The following SMARCA4 variants were observed in gnomAD, a reference collection of about 807,000 sequenced individuals.
SMARCA4 encodes the protein SWI/SNF related BAF chromatin remodeling complex subunit ATPase 4, also known as SWI/SNF-related matrix-associated actin-dependent regulator of chromatin subfamily A member 4.
In SMARCA4, 31 loss-of-function variants were observed where a neutral mutation model predicts 193.9. The ratio of observed to expected loss-of-function variants is 0.16; its 90% confidence interval spans 0.12 to 0.22. The LOEUF is 0.22. SMARCA4 is among the 10% of genes least tolerant of loss of function. The pLI is 1.00. For missense variants in SMARCA4, 1,148 were observed against 2,296.0 expected, an observed-to-expected ratio of 0.50 and a Z score of 10.22; for synonymous variants, 942 against 933.1, an observed-to-expected ratio of 1.01 and a Z score of -0.17.
chr19:10,968,987 C>G (rs2084460154), intron 1 of SMARCA4, among the ~76,000 whole-genome samples: 1 of 152,198 alleles, frequency 6.6e-6, no homozygotes, highest in African/African-American at 2.4e-5. Context: ...CTTGACTCTG[C>G]CCTTCCTCGA....
intron 30 of SMARCA4, among the ~76,000 whole-genome samples, chr19:11,044,747 A>G (rs559529863): frequency 2.8e-4 from 43 of 152,320 alleles, no homozygotes; most frequent in African/African-American, 9.6e-4. Flanking sequence ...GCAGAAGATA[A>G]TATTTTCTGA....
chr19:10,976,338 A>G (rs998648661), intron 1 of SMARCA4, among the ~76,000 whole-genome samples: 1 of 152,156 alleles, frequency 6.6e-6, no homozygotes, highest in Non-Finnish European at 1.5e-5. Flanking sequence ...CAGCTTCTAC[A>G]GGGCTGGCCT....
At position 10,987,349 on chromosome 19, in the gene SMARCA4, G is replaced by A. The variant is rs527591874; in HGVS notation, c.860-317G>A. 2.0e-5 allele frequency among the ~76,000 whole-genome samples: 3 copies of A among 152,340 alleles called. No individual in the cohort carries two copies. In the South Asian group the frequency reaches 6.2e-4, roughly 32 times the overall value. ...GAGGTTTAGCGATGGGCATTGAGGG[G>A]CAAATTGCTTCCACTGGATTTAGTT... is the stretch of plus-strand genomic sequence containing the variant. On this transcript the variant is annotated intron_variant, in intron 5 of 34. Transcript: ENST00000344626. This position sits in a 1 kb window ranked among gnomAD's most constrained non-coding sequence, Gnocchi z 5.3.
At chr19:11,039,682 T>C (rs1182176762) in intron 29 of SMARCA4, 2 of 449,332 alleles carry the variant, frequency 4.5e-6, no homozygotes, top group Non-Finnish European at 7.8e-6. Context: ...ATTTATAATA[T>C]ATTTTTTTAA....
At position 10,991,110 on chromosome 19, in the gene SMARCA4, AG is replaced by A; in HGVS notation, c.1246-39del. Reference sequence around the variant, plus strand: ...GTGTTTGTCATTGTGGATGCCACAGAGCTGTGCAGTGCGCGGGCTTGTCCTC... The same window carrying A: ...GTGTTTGTCATTGTGGATGCCACAGACTGTGCAGTGCGCGGGCTTGTCCTC... On this transcript the variant is annotated intron_variant, in intron 7 of 34. Transcript: ENST00000344626. The A allele has an allele frequency of 2.5e-6, 4 of 1,611,020 alleles. No individual in the cohort carries two copies. The Middle Eastern group carries it at 6.7e-4, about 269-fold the overall frequency.
At chr19:10,988,041 A>G in intron 6 of SMARCA4, 117 bp downstream of exon 6, 2 of 1,050,408 alleles carry the variant, frequency 1.9e-6, no homozygotes, top group Non-Finnish European at 2.8e-6. Flanking sequence ...CACCACTGCC[A>G]CTTGGCCTAC....
intron 30 of SMARCA4, among the ~76,000 whole-genome samples, chr19:11,050,877 C>A (rs2076220621): frequency 1.3e-5 from 2 of 152,216 alleles, no homozygotes; most frequent in South Asian, 4.1e-4. Context: ...GCTGTCTGGC[C>A]CTTGGCCTGT....
At chr19:10,967,830 G>A (rs1374332174) in intron 1 of SMARCA4, among the ~76,000 whole-genome samples, 2 of 151,570 alleles carry the variant, frequency 1.3e-5, no homozygotes, top group African/African-American at 2.4e-5. Context: ...GATTACAGGC[G>A]TGCGCCACCA....
chr19:11,019,438 G>A lies in SMARCA4; in HGVS notation c.2506-153G>A, dbSNP rs560412823. 109 of 655,288 alleles carry A rather than the reference G, an allele frequency of 1.7e-4. No individual in the cohort carries two copies. Among genetic ancestry groups the A allele is most frequent in the African/African-American group, 1.6e-3 (89 of 56,416 alleles). 40.6% of individuals were successfully genotyped at this position (655,288 alleles called of 1,614,324 possible). A position where few individuals can be genotyped will look rare whatever the true frequency, so the allele number is the denominator to read the frequency against. ...TCTGCGTGGTGAGGTCTGGGGACGCGCCAGCGGCCCTGCCAGCCCCTTTCC... is the reference window on the plus strand; with the variant it reads ...TCTGCGTGGTGAGGTCTGGGGACGCACCAGCGGCCCTGCCAGCCCCTTTCC... On this transcript the variant is annotated intron_variant, in intron 17 of 34. Coordinates refer to ENST00000344626, the MANE Select transcript of SMARCA4 (RefSeq NM_003072.5). This position sits in a 1 kb window ranked among gnomAD's most constrained non-coding sequence, Gnocchi z 6.1.
chr19:11,052,889 T>G (rs1056545719), intron 30 of SMARCA4, among the ~76,000 whole-genome samples: 1 of 152,164 alleles, frequency 6.6e-6, no homozygotes, highest in Non-Finnish European at 1.5e-5. Context: ...TAACACCCTT[T>G]GTCACAGTGC....
At chr19:11,046,217 C>T (rs1216299927) in intron 30 of SMARCA4, among the ~76,000 whole-genome samples, 10 of 148,598 alleles carry the variant, frequency 6.7e-5, no homozygotes, top group East Asian at 2.0e-4. Context: ...AGCGAGACTC[C>T]GTCTCAAAAA....
Position 11,034,916 on chromosome 19 carries a change from C to T in SMARCA4, c.3954C>T (p.Arg1318=), listed in dbSNP as rs1555785323. The T allele has an allele frequency of 5.1e-6, 8 of 1,561,700 alleles. No homozygotes were observed. The highest frequency in any genetic ancestry group is 6.1e-6 in the Non-Finnish European group (7 of 1,154,366). The change falls in exon 29 of 35, where the codon CGC becomes CGT. Residue 1318 remains arginine, a splice_region_variant and synonymous_variant. Transcript: ENST00000344626. This position sits in a 1 kb window ranked among gnomAD's most constrained non-coding sequence, Gnocchi z 7.0. ...RHEEEFDLFM[R]MDLDRRREEA... is the part of the protein sequence containing the mutation. ...CCCGTTGCCTCCCTGCCCACCAGCGCATGGACCTGGACCGCAGGCGCGAGG... is the reference window on the plus strand; with the variant it reads ...CCCGTTGCCTCCCTGCCCACCAGCGTATGGACCTGGACCGCAGGCGCGAGG...
chr19:10,970,511 C>T (rs2084587622), intron 1 of SMARCA4, among the ~76,000 whole-genome samples: 1 of 152,196 alleles, frequency 6.6e-6, no homozygotes, highest in Non-Finnish European at 1.5e-5. Context: ...TGTCCAGCTC[C>T]TGGGCTCATG....
chr19:10,997,988 G>C (rs1479781716), intron 11 of SMARCA4, among the ~76,000 whole-genome samples: 4 of 152,184 alleles, frequency 2.6e-5, no homozygotes, highest in Non-Finnish European at 5.9e-5. Flanking sequence ...CACAGCAGCA[G>C]AGAATCCTGG....
intron 1 of SMARCA4, among the ~76,000 whole-genome samples, chr19:10,981,972 A>C (rs554079192): frequency 6.6e-6 from 1 of 152,136 alleles, no homozygotes; most frequent in South Asian, 2.1e-4. Context: ...TGGGTGATAG[A>C]GTAAGACTCT....
At position 10,985,341 on chromosome 19, in the gene SMARCA4, G is replaced by C. The variant is rs753861666; in HGVS notation, c.291G>C (p.Gly97=). 6.2e-7 allele frequency: 1 copy of C among 1,614,088 alleles called. No homozygotes were observed. The highest frequency in any genetic ancestry group is 8.5e-7 in the Non-Finnish European group (1 of 1,180,000). ...GCTACAACCAGATGAAAGGAATGGG[G>C]ATGCGGTCAGGGGGCCATGCTGGGA... ...DPRYNQMKGM[G]MRSGGHAGMG... Residue 97 remains glycine, a synonymous_variant, in exon 3 of 35, where the codon GGG becomes GGC. Coordinates refer to ENST00000344626, the MANE Select transcript of SMARCA4 (RefSeq NM_003072.5). This position sits in a 1 kb window ranked among gnomAD's most constrained non-coding sequence, Gnocchi z 4.5.
intron 1 of SMARCA4, among the ~76,000 whole-genome samples, chr19:10,967,981 A>G (rs759164387): frequency 1.3e-5 from 2 of 151,580 alleles, no homozygotes; most frequent in African/African-American, 4.9e-5. Context: ...GGTTCATGCC[A>G]TTCTCCTGCC....
chr19:11,029,696 G>A (rs1467908830), intron 24 of SMARCA4, among the ~76,000 whole-genome samples: 4 of 152,042 alleles, frequency 2.6e-5, no homozygotes, highest in South Asian at 2.1e-4. Context: ...TTTTTGAGAC[G>A]GAGTTTCACT....
chr19:10,982,199 G>A lies in SMARCA4; in HGVS notation c.-31-1922G>A, dbSNP rs564936520. 3.3e-5 allele frequency among the ~76,000 whole-genome samples: 5 copies of A among 152,146 alleles called. No individual in the cohort carries two copies. The South Asian group carries it at 8.3e-4, about 25-fold the overall frequency. ...TACTAAAAATAAAAAAATTGGCCTG[G>A]CGTGGTGGTTCACACCTGTAATCCC... On this transcript the variant is annotated intron_variant, in intron 1 of 34. Coordinates refer to ENST00000344626, the MANE Select transcript of SMARCA4 (RefSeq NM_003072.5).
Sources: gnomAD v4.1 joint callset for allele counts (sites outside exome capture counted in the v4.1 genomes callset) on GRCh38, gnomAD v4.1.1 for gene constraint, Gnocchi (gnomAD v3.1) non-coding constraint, MANE v1.5 for transcripts, NCBI Gene and HGNC (gene_info 2026-07-23, HGNC 2026-07-21) for gene names.